The following CCDC60 variants were observed in gnomAD, a reference collection of about 807,000 sequenced individuals.
The protein encoded by CCDC60 is coiled-coil domain-containing protein 60.
Under a neutral mutation model 63.5 loss-of-function variants are expected in CCDC60, and 54 were observed. The observed-to-expected ratio is 0.85, with a 90% CI of 0.68 to 1.07. The LOEUF is 1.07. Ranked by LOEUF, CCDC60 falls within the 50% of genes least tolerant of loss-of-function variation. The pLI is 0.00. For synonymous variants in CCDC60, 206 were observed against 238.8 expected (o/e 0.86, Z 1.27); for missense variants, 651 against 684.3 (o/e 0.95, Z 0.54).
intron 2 of CCDC60, among the ~76,000 whole-genome samples, chr12:119,445,433 CAAAA>C (rs58415660): frequency 2.2e-4 from 6 of 27,200 alleles, no homozygotes; most frequent in Non-Finnish European, 3.2e-4. Context: ...GACTCCATCT[CAAAA>C]AAAAAAAAAA....
At position 119,410,786 on chromosome 12, in the gene CCDC60, G is replaced by A. The variant is rs537716786; in HGVS notation, c.91-17897G>A. On this transcript the variant is annotated intron_variant, in intron 1 of 13. Coordinates refer to ENST00000327554, the MANE Select transcript of CCDC60 (RefSeq NM_178499.5). The surrounding 1 kb of genome is among the most constrained non-coding windows in gnomAD (Gnocchi z 4.0). ...GAGACAGAGTCTCGCTCTGTCACTC[G>A]GGCTGCAGTGCGGTGGCGCGATCTC... Among the ~76,000 whole-genome samples the A allele has an allele frequency of 1.2e-4, 19 of 152,106 alleles. No individual in the cohort carries two copies. Among genetic ancestry groups the A allele is most frequent in the African/African-American group, 3.4e-4 (14 of 41,450 alleles).
At chr12:119,491,718 T>TA (rs1269828982) in intron 5 of CCDC60, among the ~76,000 whole-genome samples, 1 of 151,990 alleles carries the variant, frequency 6.6e-6, no homozygotes, top group Admixed American at 6.6e-5. Context: ...ATATCTTTTT[T>TA]TTTTTTTTCC....
intron 1 of CCDC60, among the ~76,000 whole-genome samples, chr12:119,395,731 C>T (rs1246268715): frequency 6.6e-6 from 1 of 152,190 alleles, no homozygotes; most frequent in Non-Finnish European, 1.5e-5. Context: ...CTCAAAACAG[C>T]AGACATTTAT....
At chr12:119,415,909 G>T (rs1208256365) in intron 1 of CCDC60, among the ~76,000 whole-genome samples, 1 of 152,148 alleles carries the variant, frequency 6.6e-6, no homozygotes, top group Non-Finnish European at 1.5e-5. Flanking sequence ...GCAGGCTGTA[G>T]TTTGCTGATC....
intron 1 of CCDC60, among the ~76,000 whole-genome samples, chr12:119,375,452 G>A (rs991634759): frequency 2.6e-5 from 4 of 152,056 alleles, no homozygotes; most frequent in South Asian, 4.1e-4. Flanking sequence ...TGCTTTCTCC[G>A]CACTGGACTT....
intron 5 of CCDC60, 138 bp downstream of exon 5, chr12:119,489,004 G>C (rs1951521017): frequency 1.4e-6 from 1 of 716,714 alleles, no homozygotes. Flanking sequence ...TGCTCTGTGG[G>C]ATCTGAACAG....
At chr12:119,507,095 C>T (rs960985608) in intron 7 of CCDC60, among the ~76,000 whole-genome samples, 3 of 152,084 alleles carry the variant, frequency 2.0e-5, no homozygotes, top group Non-Finnish European at 2.9e-5. Context: ...ATCTGGAATG[C>T]CTGTGGCAGC....
chr12:119,396,458 G>A (rs1956256415), intron 1 of CCDC60, among the ~76,000 whole-genome samples: 1 of 152,130 alleles, frequency 6.6e-6, no homozygotes, highest in South Asian at 2.1e-4. Context: ...TCCCAAAAGA[G>A]GAGGAATGGG....
intron 1 of CCDC60, among the ~76,000 whole-genome samples, chr12:119,427,577 C>T (rs532268268): frequency 2.5e-4 from 38 of 152,184 alleles, no homozygotes; most frequent in Admixed American, 1.8e-3. Flanking sequence ...CCTTAGGATT[C>T]TTGACAGCAG....
At chr12:119,525,970 A>AT (rs1395963474) in intron 11 of CCDC60, among the ~76,000 whole-genome samples, 1 of 152,200 alleles carries the variant, frequency 6.6e-6, no homozygotes, top group East Asian at 1.9e-4. Flanking sequence ...AATCTTAAGC[A>AT]AAAAGAACAA....
intron 1 of CCDC60, among the ~76,000 whole-genome samples, chr12:119,387,034 T>TCACACACACACACACA (rs1555233707): frequency 1.9e-5 from 2 of 105,404 alleles, no homozygotes; most frequent in East Asian, 7.7e-4. Flanking sequence ...TCTGTCTCTC[T>TCACACACACACACACA]CACACACACA....
chr12:119,430,277 A>G (rs1950205121), intron 2 of CCDC60, among the ~76,000 whole-genome samples: 1 of 152,164 alleles, frequency 6.6e-6, no homozygotes, highest in Non-Finnish European at 1.5e-5. Context: ...CAACCGTTAA[A>G]GAAACAAGTA....
In CCDC60 at chr12:119,456,048, AAAGAAAGAAAGAAAGCAAGC is replaced by A. The variant is rs1480605003; in HGVS notation, c.171-15942_171-15923del. On this transcript the variant is annotated intron_variant, in intron 2 of 13. Coordinates refer to ENST00000327554, the MANE Select transcript of CCDC60 (RefSeq NM_178499.5). The surrounding 1 kb of genome is among the most constrained non-coding windows in gnomAD (Gnocchi z 4.6). ...GAAAGAAAGAAAGAAAGAAAGAAAGAAAGAAAGAAAGAAAGCAAGCAAGCATGTGCAATTTCAAGGGGGTA... is the reference window on the plus strand; with the variant it reads ...GAAAGAAAGAAAGAAAGAAAGAAAGAAAGCATGTGCAATTTCAAGGGGGTA... Among the ~76,000 whole-genome samples, 299 of 120,632 alleles carry A rather than the reference AAAGAAAGAAAGAAAGCAAGC, an allele frequency of 2.5e-3. 12 individuals carry two copies. In the East Asian group the frequency reaches 0.028, roughly 11 times the overall value. 79.1% of individuals were successfully genotyped at this position (120,632 alleles called of 152,430 possible).
intron 7 of CCDC60, among the ~76,000 whole-genome samples, chr12:119,507,590 ACATATATATATATATATATATATATTTT>A (rs1566050610): frequency 5.9e-4 from 15 of 25,510 alleles, no homozygotes; most frequent in African/African-American, 1.5e-3. Flanking sequence ...ACATATATAT[ACATATATATATATATATATATATATTTT>A]TTTTTTTTTT....
At chr12:119,484,770 C>T (rs980710953) in intron 4 of CCDC60, among the ~76,000 whole-genome samples, 5 of 152,156 alleles carry the variant, frequency 3.3e-5, no homozygotes, top group Admixed American at 6.5e-5. Flanking sequence ...AATATCAGAT[C>T]TGAACCAATT....
At chr12:119,464,433 T>C (rs1950915575) in intron 2 of CCDC60, among the ~76,000 whole-genome samples, 1 of 148,486 alleles carries the variant, frequency 6.7e-6, no homozygotes, top group African/African-American at 2.5e-5. Context: ...CCATCTTTCC[T>C]TTCTTCTTTT....
chr12:119,388,879 C>T (rs1956105075), intron 1 of CCDC60, among the ~76,000 whole-genome samples: 1 of 143,918 alleles, frequency 6.9e-6, no homozygotes, highest in Non-Finnish European at 1.5e-5. Flanking sequence ...TAAAATGCAA[C>T]TGGAAAACAC....
intron 13 of CCDC60, among the ~76,000 whole-genome samples, chr12:119,536,632 A>G (rs1417971652): frequency 1.3e-5 from 2 of 152,140 alleles, no homozygotes; most frequent in Admixed American, 6.6e-5. Flanking sequence ...ATCTCTCACC[A>G]TTTGCTTGTC....
intron 2 of CCDC60, among the ~76,000 whole-genome samples, chr12:119,470,656 G>A (rs1477665054): frequency 2.6e-5 from 4 of 152,188 alleles, no homozygotes; most frequent in East Asian, 1.9e-4. Flanking sequence ...ATGCAAAACC[G>A]AGCACAAGAG....
Sources: gnomAD v4.1 joint callset for allele counts (sites outside exome capture counted in the v4.1 genomes callset) on GRCh38, gnomAD v4.1.1 for gene constraint, Gnocchi (gnomAD v3.1) non-coding constraint, MANE v1.5 for transcripts, NCBI Gene and HGNC (gene_info 2026-07-23, HGNC 2026-07-21) for gene names.